HSPA9: variants seen among roughly 807,000 people sequenced by gnomAD.
HSPA9 encodes stress-70 protein, mitochondrial.
HSPA9 carries 28 observed loss-of-function variants against 81.5 expected under a neutral mutation model. The ratio of observed to expected loss-of-function variants is 0.34; its 90% CI spans 0.25 to 0.47. The LOEUF is 0.47. Among genes scored for constraint, HSPA9 ranks in the 20% least tolerant of loss-of-function variants. HSPA9 has a pLI of 1.00. For missense variants in HSPA9, 678 were observed against 838.0 expected (o/e 0.81, Z 2.36); for synonymous variants, 293 against 290.4 (o/e 1.01, Z -0.09).
Position 138,559,636 on chromosome 5 carries a change from CCTT to C in HSPA9, c.1410+225_1410+227del. 6 of 512,012 alleles carry C rather than the reference CCTT, an allele frequency of 1.2e-5. No individual in the cohort carries two copies. The South Asian group carries it at 1.2e-4, about 11-fold the overall frequency. The allele number at this position is 512,012 out of a possible 1,614,324, so 31.7% of individuals were successfully genotyped here. ...ATCCTGTGGAGGAGACTACTGATGT[CCTT>C]CTTATAATCATCACTACCAGCTAAC... On this transcript the variant is annotated intron_variant, in intron 11 of 16. Coordinates refer to ENST00000297185, the MANE Select transcript of HSPA9 (RefSeq NM_004134.7).
Position 138,554,608 on chromosome 5 carries a change from A to G in HSPA9, c.*1429T>C, listed in dbSNP as rs1156786302. On this transcript the variant is annotated 3_prime_UTR_variant, in exon 17 of 17. Transcript: ENST00000297185. Reference sequence around the variant, plus strand: ...ATTTCTTATACTGATTTTTGGAAATACAGTAATCTCATTTCTACATATTAC... The same window carrying G: ...ATTTCTTATACTGATTTTTGGAAATGCAGTAATCTCATTTCTACATATTAC... Among the ~76,000 whole-genome samples the G allele has an allele frequency of 3.3e-5, 5 of 152,252 alleles. No homozygotes were observed. Among genetic ancestry groups the G allele is most frequent in the African/African-American group, 4.8e-5 (2 of 41,472 alleles).
chr5:138,571,186 T>C, intron 3 of HSPA9, 45 bp from the exon 4 acceptor site: 1 of 1,588,446 alleles, frequency 6.3e-7, no homozygotes, highest in Non-Finnish European at 8.6e-7. Flanking sequence ...TAGTTATCAC[T>C]GGTATGTTTT....
At chr5:138,561,073 T>C (rs1750649164) in intron 10 of HSPA9, 1 of 500,066 alleles carries the variant, frequency 2.0e-6, no homozygotes, top group Non-Finnish European at 4.0e-6. Context: ...CCACACGTTC[T>C]TTCAGAATGA....
At chr5:138,573,928 G>A in intron 2 of HSPA9, 78 bp from the exon 3 acceptor site, 3 of 1,297,996 alleles carry the variant, frequency 2.3e-6, no homozygotes, top group Non-Finnish European at 3.3e-6. Flanking sequence ...TATTTAATTG[G>A]AAAATTAACA....
At chr5:138,565,348 A>G (rs992310306) in intron 9 of HSPA9, among the ~76,000 whole-genome samples, 1 of 152,308 alleles carries the variant, frequency 6.6e-6, no homozygotes. Context: ...ATGCGTGTGT[A>G]TAACTATGTC....
intron 1 of HSPA9, 53 bp downstream of exon 1, chr5:138,575,185 G>T: frequency 7.7e-7 from 1 of 1,297,262 alleles, no homozygotes; most frequent in Non-Finnish European, 1.1e-6. Context: ...AGCGAAGCCC[G>T]AGGCCCAAGG....
Position 138,567,564 on chromosome 5 carries a change from A to G in HSPA9, c.610-3T>C, listed in dbSNP as rs1750792603. ...ATCTGGCCAGCATCTTTAGTGGCCT[A>G]GAGAAAACAAAGAGAAAAACATTTT... On this transcript the variant is annotated splice_region_variant and splice_polypyrimidine_tract_variant and intron_variant, in intron 6 of 16. Transcript: ENST00000297185. 6.2e-7 allele frequency: 1 copy of G among 1,612,798 alleles called. No homozygotes were observed. Among genetic ancestry groups the G allele is most frequent in the African/African-American group, 1.3e-5 (1 of 74,916 alleles).
chr5:138,575,335 A>C lies in HSPA9; in HGVS notation c.-17T>G, dbSNP rs753040175. Reference sequence around the variant, plus strand: ...ACTTATCATGGCGGATAAATGGAGGAGTACGAGGCAGCAAACAAGCGCTCC... The same window carrying C: ...ACTTATCATGGCGGATAAATGGAGGCGTACGAGGCAGCAAACAAGCGCTCC... On this transcript the variant is annotated 5_prime_UTR_variant, in exon 1 of 17. Transcript: ENST00000297185. 24 of 1,603,042 alleles carry C rather than the reference A, an allele frequency of 1.5e-5. No homozygotes were observed. Among genetic ancestry groups the C allele is most frequent in the East Asian group, 2.2e-5 (1 of 44,706 alleles).
chr5:138,565,162 CTAAT>C (rs1438608577), intron 9 of HSPA9, among the ~76,000 whole-genome samples: 1 of 152,186 alleles, frequency 6.6e-6, no homozygotes, highest in Non-Finnish European at 1.5e-5. Flanking sequence ...TGCAGCCACA[CTAAT>C]TAAAACCAAC....
Position 138,555,622 on chromosome 5 carries a change from A to T in HSPA9, c.*415T>A. 3.5e-6 allele frequency: 1 copy of T among 288,156 alleles called. No individual in the cohort carries two copies. 17.8% of individuals were successfully genotyped at this position (288,156 alleles called of 1,614,324 possible). A position where few individuals can be genotyped will look rare whatever the true frequency, so the allele number is the denominator to read the frequency against. ...GGACCCCATGTACATACAGGCCAGT[A>T]CAGCAGTACTAGGCTAACTAGAAGG... On this transcript the variant is annotated 3_prime_UTR_variant, in exon 17 of 17. Coordinates refer to ENST00000297185, the MANE Select transcript of HSPA9 (RefSeq NM_004134.7).
chr5:138,573,577 G>A (rs531406699), intron 3 of HSPA9, among the ~76,000 whole-genome samples, 186 bp downstream of exon 3: 1 of 145,700 alleles, frequency 6.9e-6, no homozygotes, highest in African/African-American at 2.5e-5. Context: ...AACCCAGGAG[G>A]CAGAGGTTGC....
chr5:138,556,920 G>T, intron 14 of HSPA9, 54 bp from the exon 15 acceptor site: 1 of 1,187,620 alleles, frequency 8.4e-7, no homozygotes, highest in Non-Finnish European at 1.3e-6. Flanking sequence ...AAAGTTTGCT[G>T]AATGTCTATA....
At chr5:138,562,896 T>TG (rs1367895341) in intron 9 of HSPA9, among the ~76,000 whole-genome samples, 1 of 152,238 alleles carries the variant, frequency 6.6e-6, no homozygotes, top group Non-Finnish European at 1.5e-5. Context: ...CTGACTTGTA[T>TG]GGCCATCACA....
chr5:138,570,742 C>T, intron 4 of HSPA9: 1 of 503,860 alleles, frequency 2.0e-6, no homozygotes, highest in Non-Finnish European at 3.6e-6. Flanking sequence ...ACCTCGGCCT[C>T]CCAAAGTGCT....
chr5:138,575,151 C>T (rs1355049379), intron 1 of HSPA9, 87 bp downstream of exon 1: 3 of 926,680 alleles, frequency 3.2e-6, no homozygotes, highest in African/African-American at 1.6e-5. Context: ...GAATTCAAAC[C>T]CTAAAGGGCG....
chr5:138,561,818 A>G (rs1750666658), intron 9 of HSPA9, 29 bp from the exon 10 acceptor site: 1 of 1,524,582 alleles, frequency 6.6e-7, no homozygotes, highest in Admixed American at 1.7e-5. Flanking sequence ...ATTGCATGTC[A>G]GCGAGCAGGC....
chr5:138,564,139 A>G (rs956817955), intron 9 of HSPA9, among the ~76,000 whole-genome samples: 1 of 152,222 alleles, frequency 6.6e-6, no homozygotes, highest in Non-Finnish European at 1.5e-5. Flanking sequence ...AGTCTCATTC[A>G]GTCACCCAGA....
intron 1 of HSPA9, 53 bp downstream of exon 1, chr5:138,575,185 G>C: frequency 2.3e-6 from 3 of 1,297,262 alleles, no homozygotes; most frequent in Non-Finnish European, 2.2e-6. Context: ...AGCGAAGCCC[G>C]AGGCCCAAGG....
At chr5:138,573,910 G>A in intron 2 of HSPA9, 60 bp from the exon 3 acceptor site, 3 of 1,376,718 alleles carry the variant, frequency 2.2e-6, no homozygotes, top group Admixed American at 3.4e-5. Context: ...AAAGTCACTG[G>A]AAGATAATAT....
Sources: allele counts gnomAD v4.1 joint callset (sites outside exome capture counted in the v4.1 genomes callset), GRCh38; gene constraint gnomAD v4.1.1; transcripts MANE v1.5; gene names NCBI Gene and HGNC (gene_info 2026-07-23, HGNC 2026-07-21).